The following PARD3B variants were observed in gnomAD, a reference collection of about 807,000 sequenced individuals.
PARD3B encodes par-3 family cell polarity regulator beta, also known as partitioning defective 3 homolog B.
Under a neutral mutation model 130.2 loss-of-function variants are expected in PARD3B, and 103 were observed. That is an observed-to-expected ratio of 0.79 (90% CI 0.67 to 0.93). The LOEUF (loss-of-function observed/expected upper bound fraction) is 0.93. Ranked by LOEUF, PARD3B falls within the 40% of genes least tolerant of loss-of-function variation. The pLI, the probability that PARD3B is intolerant of heterozygous loss-of-function variation, is 0.00. For synonymous variants in PARD3B, 583 were observed against 553.2 expected (o/e 1.05, Z -0.76); for missense variants, 1,609 against 1,499.2 (o/e 1.07, Z -1.21).
At chr2:205,080,741 C>A (rs1701356130) in intron 4 of PARD3B, among the ~76,000 whole-genome samples, 1 of 152,114 alleles carries the variant, frequency 6.6e-6, no homozygotes, top group African/African-American at 2.4e-5. Context: ...ATTATACTCA[C>A]ACCAGCAGTA....
chr2:205,255,361 A>C (rs2040036674), intron 16 of PARD3B, among the ~76,000 whole-genome samples: 1 of 152,302 alleles, frequency 6.6e-6, no homozygotes, highest in South Asian at 2.1e-4. Flanking sequence ...AATACTAAGC[A>C]CAGCACAGAA....
chr2:205,065,514 C>T (rs928265435), intron 4 of PARD3B, among the ~76,000 whole-genome samples: 3 of 152,026 alleles, frequency 2.0e-5, no homozygotes, highest in African/African-American at 7.2e-5. Context: ...TTGTTTGTTA[C>T]CATCAAAAGT....
At chr2:204,935,572 ATATT>A (rs1053699398) in intron 2 of PARD3B, among the ~76,000 whole-genome samples, 7 of 151,198 alleles carry the variant, frequency 4.6e-5, no homozygotes, top group Non-Finnish European at 8.8e-5. Context: ...AAATATATAT[ATATT>A]TATATAGTAC....
At chr2:204,959,304 G>T (rs143943155) in intron 2 of PARD3B, among the ~76,000 whole-genome samples, 9 of 152,262 alleles carry the variant, frequency 5.9e-5, no homozygotes, top group African/African-American at 2.2e-4. Flanking sequence ...CAAAGGACAT[G>T]AACTCATTCT....
In PARD3B at chr2:205,590,733, G is replaced by A. The variant is rs1195796074; in HGVS notation, c.3261-24723G>A. On this transcript the variant is annotated intron_variant, in intron 22 of 22. Coordinates refer to ENST00000406610, the MANE Select transcript of PARD3B (RefSeq NM_001302769.2). This position sits in a 1 kb window ranked among gnomAD's most constrained non-coding sequence, Gnocchi z 4.1. ...GATCACAAGGGAAGAAGGAAAGATA[G>A]GATCAAGGATGAAGGAGAAAAGTAG... Among the ~76,000 whole-genome samples, 1 of 152,158 alleles carries A rather than the reference G, an allele frequency of 6.6e-6. No homozygotes were observed. The highest frequency in any genetic ancestry group is 1.9e-4 in the East Asian group (1 of 5,178).
intron 20 of PARD3B, among the ~76,000 whole-genome samples, chr2:205,450,246 G>A (rs528428608): frequency 1.9e-4 from 29 of 152,136 alleles, no homozygotes; most frequent in African/African-American, 6.3e-4. Context: ...TAACTATTGA[G>A]GAAGGTTATT....
intron 2 of PARD3B, among the ~76,000 whole-genome samples, chr2:204,861,745 T>C (rs1479803184): frequency 6.6e-6 from 1 of 151,706 alleles, no homozygotes; most frequent in Non-Finnish European, 1.5e-5. Flanking sequence ...AGCATCTGAC[T>C]GGAATTAGAG....
chr2:205,155,657 C>T (rs369514775), intron 10 of PARD3B, among the ~76,000 whole-genome samples: 16 of 152,152 alleles, frequency 1.1e-4, no homozygotes, highest in South Asian at 2.1e-4. Flanking sequence ...GTTTACAGTC[C>T]GACAAATATT....
chr2:204,577,304 A>G (rs2032314356), intron 1 of PARD3B, among the ~76,000 whole-genome samples: 1 of 152,208 alleles, frequency 6.6e-6, no homozygotes, highest in Non-Finnish European at 1.5e-5. Flanking sequence ...GCATATGTTA[A>G]TCTATTTAAT....
At chr2:204,814,010 A>G (rs924373385) in intron 2 of PARD3B, among the ~76,000 whole-genome samples, 1 of 152,046 alleles carries the variant, frequency 6.6e-6, no homozygotes, top group East Asian at 1.9e-4. Context: ...GCCTGCTGGG[A>G]ATTTGAAGGG....
intron 2 of PARD3B, among the ~76,000 whole-genome samples, chr2:204,950,691 A>G (rs1427742108): frequency 6.6e-6 from 1 of 152,226 alleles, no homozygotes; most frequent in Non-Finnish European, 1.5e-5. Flanking sequence ...CTCTGCATTT[A>G]CCTTTGACTT....
rs2038718600 is a variant in PARD3B at position 205,229,363 on chromosome 2, G to C, written c.2141-16415G>C. Among the ~76,000 whole-genome samples the C allele has an allele frequency of 6.6e-6, 1 of 152,162 alleles. No homozygotes were observed. The highest frequency in any genetic ancestry group is 2.1e-4 in the South Asian group (1 of 4,830). Reference sequence around the variant, plus strand: ...CCCTGCAACCATAACTGCATTAGGGGGCACCCCAAGCCCAGTAATGCTGTG... The same window carrying C: ...CCCTGCAACCATAACTGCATTAGGGCGCACCCCAAGCCCAGTAATGCTGTG... On this transcript the variant is annotated intron_variant, in intron 15 of 22. Transcript: ENST00000406610. This position sits in a 1 kb window ranked among gnomAD's most constrained non-coding sequence, Gnocchi z 5.2.
In PARD3B at chr2:205,300,444, TCC is replaced by T; in HGVS notation, c.2186-85_2186-84del. 7.7e-7 allele frequency: 1 copy of T among 1,300,018 alleles called. No homozygotes were observed. 80.5% of individuals were successfully genotyped at this position (1,300,018 alleles called of 1,614,324 possible). On this transcript the variant is annotated intron_variant, in intron 16 of 22. Transcript: ENST00000406610. The surrounding 1 kb of genome is among the most constrained non-coding windows in gnomAD (Gnocchi z 4.1). Reference sequence around the variant, plus strand: ...CACTTAACACCCCTTTTTTGGGATGTCCAGACAGAAATATTCTTAGAACAATA... The same window carrying T: ...CACTTAACACCCCTTTTTTGGGATGTAGACAGAAATATTCTTAGAACAATA...
At chr2:204,666,050 C>A (rs1470688937) in intron 1 of PARD3B, among the ~76,000 whole-genome samples, 1 of 152,178 alleles carries the variant, frequency 6.6e-6, no homozygotes, top group Non-Finnish European at 1.5e-5. Context: ...TTCCATGCAG[C>A]AGTCACCAGT....
intron 10 of PARD3B, among the ~76,000 whole-genome samples, chr2:205,132,018 A>C (rs1447816272): frequency 6.6e-6 from 1 of 152,160 alleles, no homozygotes; most frequent in African/African-American, 2.4e-5. Flanking sequence ...CTTCTGTAAC[A>C]CAGGGACTAG....
intron 18 of PARD3B, among the ~76,000 whole-genome samples, chr2:205,359,517 A>G (rs1456504608): frequency 2.0e-5 from 3 of 152,092 alleles, no homozygotes; most frequent in East Asian, 1.9e-4. Context: ...TCATTTGTCT[A>G]TACAAAACTC....
chr2:204,672,377 C>T (rs1360703503), intron 1 of PARD3B, among the ~76,000 whole-genome samples: 3 of 152,138 alleles, frequency 2.0e-5, no homozygotes, highest in African/African-American at 7.2e-5. Flanking sequence ...AATTATGAAT[C>T]TTAGCTAAGG....
intron 11 of PARD3B, among the ~76,000 whole-genome samples, chr2:205,159,810 A>G (rs1237232887): frequency 6.6e-6 from 1 of 152,190 alleles, no homozygotes; most frequent in African/African-American, 2.4e-5. Context: ...CAGCCTTGAC[A>G]TGCCTCAGTT....
At chr2:204,555,855 C>G (rs372887637) in intron 1 of PARD3B, among the ~76,000 whole-genome samples, 2 of 152,234 alleles carry the variant, frequency 1.3e-5, no homozygotes, top group African/African-American at 4.8e-5. Context: ...TAATTGTTTT[C>G]TTCTTCAGGA....
Sources: gnomAD v4.1 joint callset for allele counts (sites outside exome capture counted in the v4.1 genomes callset) on GRCh38, gnomAD v4.1.1 for gene constraint, Gnocchi (gnomAD v3.1) non-coding constraint, MANE v1.5 for transcripts, NCBI Gene and HGNC (gene_info 2026-07-23, HGNC 2026-07-21) for gene names.